The following MTFR1 variants were observed in gnomAD, a reference collection of about 807,000 sequenced individuals.
MTFR1 encodes the protein chondrocyte protein with a poly-proline region.
MTFR1 carries 28 observed loss-of-function variants against 38.8 expected under a neutral mutation model. That is an observed-to-expected ratio of 0.72 (90% CI 0.53 to 0.99). MTFR1 has a LOEUF of 0.99. MTFR1 is among the 50% of genes least tolerant of loss of function. MTFR1 has a pLI of 0.00. For missense variants in MTFR1, 358 were observed against 395.5 expected, an observed-to-expected ratio of 0.91 and a Z score of 0.81; for synonymous variants, 145 against 137.0, an observed-to-expected ratio of 1.06 and a Z score of -0.41.
At chr8:65,765,682 C>T (rs1210887794) in intron 3 of MTFR1, 1 of 152,076 alleles carries the variant, frequency 6.6e-6, no homozygotes, top group East Asian at 1.9e-4. Context: ...ACCAGGCCCT[C>T]CAGTCTGGAT....
chr8:65,700,337 C>G (rs1056086058), intron 4 of MTFR1, among the ~76,000 whole-genome samples: 11 of 131,368 alleles, frequency 8.4e-5, no homozygotes, highest in African/African-American at 2.9e-4. Context: ...AGCAATGGAT[C>G]GAGACCTATC....
chr8:65,701,684 G>A (rs938035691), intron 4 of MTFR1, among the ~76,000 whole-genome samples: 1 of 152,206 alleles, frequency 6.6e-6, no homozygotes, highest in Non-Finnish European at 1.5e-5. Context: ...TGAGACTGAG[G>A]TGATGATATC....
chr8:65,689,152 A>G (rs1247532306), intron 3 of MTFR1, among the ~76,000 whole-genome samples: 1 of 152,182 alleles, frequency 6.6e-6, no homozygotes, highest in Non-Finnish European at 1.5e-5. Flanking sequence ...CTCAAAAACA[A>G]ACAAACAAAG....
At chr8:65,674,409 T>G (rs1029461847) in intron 2 of MTFR1, among the ~76,000 whole-genome samples, 1 of 151,426 alleles carries the variant, frequency 6.6e-6, no homozygotes, top group African/African-American at 2.4e-5. Context: ...TTCAGGAGTT[T>G]GAAGCCAGCC....
chr8:65,767,272 G>A (rs1021072488), intron 3 of MTFR1, among the ~76,000 whole-genome samples: 18 of 152,174 alleles, frequency 1.2e-4, no homozygotes, highest in African/African-American at 4.3e-4. Flanking sequence ...AGCATAGTAT[G>A]AACGTTTATG....
intron 3 of MTFR1, among the ~76,000 whole-genome samples, chr8:65,742,367 T>TCA (rs1807480202): frequency 6.6e-6 from 1 of 152,182 alleles, no homozygotes; most frequent in African/African-American, 2.4e-5. Context: ...CTATGTCGCA[T>TCA]CACTTAACTC....
downstream of MTFR1, among the ~76,000 whole-genome samples, chr8:65,775,740 G>A (rs1383245724): frequency 1.3e-5 from 2 of 152,172 alleles, no homozygotes; most frequent in South Asian, 4.1e-4. Flanking sequence ...TGATTCTCCT[G>A]CCTCAGCCTC....
At chr8:65,699,490 G>A (rs549739304) in intron 4 of MTFR1, among the ~76,000 whole-genome samples, 1 of 152,060 alleles carries the variant, frequency 6.6e-6, no homozygotes, top group Non-Finnish European at 1.5e-5. Flanking sequence ...CTTTGCAACC[G>A]CACCAGCATC....
chr8:65,698,070 C>T (rs1369997281), intron 4 of MTFR1, among the ~76,000 whole-genome samples: 3 of 151,138 alleles, frequency 2.0e-5, no homozygotes, highest in Admixed American at 1.3e-4. Flanking sequence ...GAGCTCTTTG[C>T]CTAGCCCTAG....
At chr8:65,663,005 C>T (rs1462151291) in intron 1 of MTFR1, among the ~76,000 whole-genome samples, 3 of 152,056 alleles carry the variant, frequency 2.0e-5, no homozygotes, top group Non-Finnish European at 4.4e-5. Context: ...CCCCTCTGCC[C>T]GGCCACCACC....
the MTFR1 span, among the ~76,000 whole-genome samples, chr8:65,778,127 G>A: frequency 6.6e-6 from 1 of 152,182 alleles, no homozygotes; most frequent in South Asian, 2.1e-4. Flanking sequence ...AGAGGGCTGT[G>A]TCTTCCCTCC....
At chr8:65,676,697 A>T (rs117634689) in intron 2 of MTFR1, among the ~76,000 whole-genome samples, 10,214 of 152,182 alleles carry the variant, frequency 0.067, 484 homozygotes, top group Non-Finnish European at 0.098. Flanking sequence ...TTAAATTTAT[A>T]GTTTTTCCTG....
At chr8:65,756,851 T>A (rs1808260553) in intron 3 of MTFR1, among the ~76,000 whole-genome samples, 2 of 152,154 alleles carry the variant, frequency 1.3e-5, no homozygotes, top group South Asian at 4.1e-4. Context: ...AGTTTTACAC[T>A]GGGGAAGCTC....
At chr8:65,766,265 A>T (rs1259609144) in intron 3 of MTFR1, among the ~76,000 whole-genome samples, 3 of 152,188 alleles carry the variant, frequency 2.0e-5, no homozygotes, top group African/African-American at 4.8e-5. Flanking sequence ...TTTTGACAAA[A>T]AAATCAATAT....
intron 1 of MTFR1, among the ~76,000 whole-genome samples, chr8:65,664,933 ATTTT>A (rs374209617): frequency 8.0e-6 from 1 of 125,698 alleles, no homozygotes; most frequent in Non-Finnish European, 1.6e-5. Context: ...TTAAAAAAAA[ATTTT>A]TTTTTTTTTT....
chr8:65,645,692 T>TTC (rs1554544272), intron 1 of MTFR1, among the ~76,000 whole-genome samples: 998 of 83,150 alleles, frequency 0.012, 97 homozygotes, highest in Middle Eastern at 0.02. Flanking sequence ...CGCCCGGCTT[T>TTC]CCCCCCCCCC....
At chr8:65,761,802 C>T (rs1306153619) in intron 3 of MTFR1, among the ~76,000 whole-genome samples, 1 of 152,146 alleles carries the variant, frequency 6.6e-6, no homozygotes, top group African/African-American at 2.4e-5. Flanking sequence ...GTTGCTTTCC[C>T]CTCCTCATAT....
intron 3 of MTFR1, among the ~76,000 whole-genome samples, chr8:65,766,288 G>A (rs916601414): frequency 1.2e-4 from 18 of 152,154 alleles, no homozygotes; most frequent in Non-Finnish European, 1.9e-4. Flanking sequence ...AATTTATTTC[G>A]TGTTCACTTA....
chr8:65,674,563 GAT>G lies in MTFR1; in HGVS notation c.66+4546_66+4547del, dbSNP rs775336866. On this transcript the variant is annotated intron_variant, in intron 2 of 7. Coordinates refer to ENST00000262146, the MANE Select transcript of MTFR1 (RefSeq NM_014637.4). ...GGAGGCAGAGATTGCAGTCAACTGA[GAT>G]CATGCCACTGCACTCCAGCGTAGAC... Among the ~76,000 whole-genome samples, 8 of 152,226 alleles carry G rather than the reference GAT, an allele frequency of 5.3e-5. No individual in the cohort carries two copies. In the South Asian group the frequency reaches 1.5e-3, roughly 28 times the overall value.
Sources: gnomAD v4.1 joint callset for allele counts (sites outside exome capture counted in the v4.1 genomes callset) on GRCh38, gnomAD v4.1.1 for gene constraint, MANE v1.5 for transcripts, NCBI Gene and HGNC (gene_info 2026-07-23, HGNC 2026-07-21) for gene names.